Variants in SLC36A4 observed in about 807,000 individuals in gnomAD.
SLC36A4 encodes the protein solute carrier family 36 member 4.
SLC36A4 carries 49 observed loss-of-function variants against 50.5 expected under a neutral mutation model. The observed-to-expected ratio is 0.97, with a 90% CI of 0.77 to 1.23. The LOEUF (loss-of-function observed/expected upper bound fraction) is 1.23. Ranked by LOEUF, SLC36A4 falls within the 50% of genes most tolerant of loss-of-function variation. The pLI is 0.00. For missense variants in SLC36A4, 611 were observed against 608.4 expected, an observed-to-expected ratio of 1.00 and a Z score of -0.05; for synonymous variants, 207 against 206.5, an observed-to-expected ratio of 1.00 and a Z score of -0.02.
chr11:93,192,663 AT>A (rs1166240122), intron 1 of SLC36A4, among the ~76,000 whole-genome samples: 3 of 152,168 alleles, frequency 2.0e-5, no homozygotes, highest in Non-Finnish European at 4.4e-5. Context: ...TTTGGATTCT[AT>A]TTTTCATACT....
At position 93,147,737 on chromosome 11, in the gene SLC36A4, A is replaced by T. The variant is rs1397815344; in HGVS notation, c.*800T>A. On this transcript the variant is annotated 3_prime_UTR_variant, in exon 11 of 11. Coordinates refer to ENST00000326402, the MANE Select transcript of SLC36A4 (RefSeq NM_152313.4). ...TTGGACATGATGTGAGAAATAAAAC[A>T]TCCTGGCCTGGGAGTCAGAAGATTA... The T allele has an allele frequency of 6.6e-6, 1 of 152,088 alleles. No homozygotes were observed. The highest frequency in any genetic ancestry group is 1.5e-5 in the Non-Finnish European group (1 of 67,996). The allele number at this position is 152,088 out of a possible 1,614,324, so 9.4% of individuals were successfully genotyped here. A position where few individuals can be genotyped will look rare whatever the true frequency, so the allele number is the denominator to read the frequency against.
chr11:93,161,694 C>T (rs192826091), intron 9 of SLC36A4, among the ~76,000 whole-genome samples: 1 of 152,308 alleles, frequency 6.6e-6, no homozygotes, highest in African/African-American at 2.4e-5. Context: ...TAAGATTACA[C>T]AGATTTTTTT....
chr11:93,196,424 T>C (rs1862426231), intron 1 of SLC36A4, among the ~76,000 whole-genome samples: 1 of 152,212 alleles, frequency 6.6e-6, no homozygotes, highest in Admixed American at 6.5e-5. Flanking sequence ...TGGAGTGCAG[T>C]GGCACGATCT....
chr11:93,181,495 T>C (rs1306328520), intron 5 of SLC36A4, among the ~76,000 whole-genome samples, 196 bp downstream of exon 5: 4 of 152,094 alleles, frequency 2.6e-5, no homozygotes, highest in Non-Finnish European at 5.9e-5. Flanking sequence ...ACCACAATGA[T>C]AAATAATTTG....
At chr11:93,187,460 T>G (rs749725169) in intron 1 of SLC36A4, among the ~76,000 whole-genome samples, 5 of 152,230 alleles carry the variant, frequency 3.3e-5, no homozygotes, top group Admixed American at 3.3e-4. Context: ...ATTACATGCA[T>G]GTTGGGTCTT....
At chr11:93,161,927 C>T (rs894558873) in intron 9 of SLC36A4, among the ~76,000 whole-genome samples, 1 of 151,964 alleles carries the variant, frequency 6.6e-6, no homozygotes, top group Non-Finnish European at 1.5e-5. Flanking sequence ...GATATGGTCC[C>T]AATATGAAAG....
rs1342068249 is a variant in SLC36A4 at position 93,145,988 on chromosome 11, T to G, written c.*2549A>C. 4 of 152,052 alleles carry G rather than the reference T, an allele frequency of 2.6e-5. No homozygotes were observed. Among genetic ancestry groups the G allele is most frequent in the Non-Finnish European group, 5.9e-5 (4 of 67,974 alleles). 9.4% of individuals were successfully genotyped at this position (152,052 alleles called of 1,614,324 possible). On this transcript the variant is annotated 3_prime_UTR_variant, in exon 11 of 11. Transcript: ENST00000326402. ...TCTAAATAGTGTTTCTTGTTGAGAA[T>G]TAAAACTTTCTTCCTTTTTAGCCCC...
chr11:93,166,074 A>T lies in SLC36A4; in HGVS notation c.769-58T>A, dbSNP rs573330278. The T allele has an allele frequency of 4.4e-4, 607 of 1,373,638 alleles. 2 individuals are homozygous for T. The highest frequency in any genetic ancestry group is 1.3e-3 in the Middle Eastern group (7 of 5,280). The allele number at this position is 1,373,638 out of a possible 1,614,324, so 85.1% of individuals were successfully genotyped here. ...ACATCTTTACTTATTCTAAATAATT[A>T]AAAAATGTAAGAAAAATCATATAAT... On this transcript the variant is annotated intron_variant, in intron 7 of 10. Coordinates refer to ENST00000326402, the MANE Select transcript of SLC36A4 (RefSeq NM_152313.4).
chr11:93,184,410 A>T lies in SLC36A4; in HGVS notation c.270+20T>A. The T allele has an allele frequency of 6.8e-7, 1 of 1,472,852 alleles. No individual in the cohort carries two copies. The highest frequency in any genetic ancestry group is 9.5e-7 in the Non-Finnish European group (1 of 1,052,676). 91.2% of individuals were successfully genotyped at this position (1,472,852 alleles called of 1,614,324 possible). On this transcript the variant is annotated intron_variant, in intron 3 of 10. Coordinates refer to ENST00000326402, the MANE Select transcript of SLC36A4 (RefSeq NM_152313.4). ...ACTGAGAACTGCATCTTAACTGGTG[A>T]TTACAAAGATAAGTCTTACCACTAT...
intron 3 of SLC36A4, among the ~76,000 whole-genome samples, chr11:93,184,099 G>C (rs1289753901): frequency 6.6e-6 from 1 of 152,106 alleles, no homozygotes; most frequent in Non-Finnish European, 1.5e-5. Flanking sequence ...AAATATATTT[G>C]TTGCTGTGAT....
intron 6 of SLC36A4, chr11:93,180,453 C>G (rs1861687948): frequency 2.7e-6 from 1 of 367,508 alleles, no homozygotes; most frequent in African/African-American, 2.2e-5. Flanking sequence ...TGGCTAAAGC[C>G]TTATATAGTT....
At position 93,184,571 on chromosome 11, in the gene SLC36A4, T is replaced by G. The variant is rs1861893108; in HGVS notation, c.180-51A>C. The G allele has an allele frequency of 4.6e-6, 5 of 1,094,928 alleles. 1 individual carries two copies. The South Asian group carries it at 6.5e-5, about 14-fold the overall frequency. The allele number at this position is 1,094,928 out of a possible 1,614,324, so 67.8% of individuals were successfully genotyped here. On this transcript the variant is annotated intron_variant, in intron 2 of 10. Coordinates refer to ENST00000326402, the MANE Select transcript of SLC36A4 (RefSeq NM_152313.4). ...AAATATTTTAGAACAAAATCTATTA[T>G]AACATGATCATGGTTTTAGTACTAG...
intron 10 of SLC36A4, among the ~76,000 whole-genome samples, chr11:93,153,318 G>T (rs974938229): frequency 6.6e-6 from 1 of 152,014 alleles, no homozygotes; most frequent in Non-Finnish European, 1.5e-5. Context: ...CTGTATATTT[G>T]TAGTTACAGT....
intron 10 of SLC36A4, among the ~76,000 whole-genome samples, chr11:93,150,418 G>A (rs1860028811): frequency 6.6e-6 from 1 of 151,772 alleles, no homozygotes. Flanking sequence ...ATATTTTCCA[G>A]GAGGTTGTGG....
chr11:93,159,888 C>T (rs1288627930), intron 9 of SLC36A4: 1 of 985,166 alleles, frequency 1.0e-6, no homozygotes, highest in African/African-American at 1.7e-5. Context: ...CCAATCTGTA[C>T]CAAAAGCCCT....
At chr11:93,154,305 T>C (rs1396402887) in intron 9 of SLC36A4, 28 bp from the exon 10 acceptor site, 1 of 1,167,210 alleles carries the variant, frequency 8.6e-7, no homozygotes, top group Non-Finnish European at 1.1e-6. Flanking sequence ...CAAAATTTAG[T>C]CATTTTTAAT....
intron 6 of SLC36A4, among the ~76,000 whole-genome samples, chr11:93,172,524 C>A (rs1259129926): frequency 6.6e-6 from 1 of 150,954 alleles, no homozygotes; most frequent in Non-Finnish European, 1.5e-5. Flanking sequence ...TATACATGTG[C>A]CATGCTGGTG....
chr11:93,160,861 G>C, intron 9 of SLC36A4: 4 of 680,018 alleles, frequency 5.9e-6, no homozygotes, highest in Non-Finnish European at 7.3e-6. Flanking sequence ...ATATTATTGA[G>C]ACAAAATGTC....
intron 6 of SLC36A4, among the ~76,000 whole-genome samples, chr11:93,177,785 T>C (rs1861552103): frequency 6.6e-6 from 1 of 152,194 alleles, no homozygotes; most frequent in Admixed American, 6.5e-5. Context: ...TGGCCCCTAC[T>C]GGGAGGCGTC....
Sources: allele counts gnomAD v4.1 joint callset (sites outside exome capture counted in the v4.1 genomes callset), GRCh38; gene constraint gnomAD v4.1.1; transcripts MANE v1.5; gene names NCBI Gene and HGNC (gene_info 2026-07-23, HGNC 2026-07-21).